Variants in PEX5L observed in about 807,000 individuals in gnomAD.
PEX5L encodes PEX5-related protein.
PEX5L carries 30 observed loss-of-function variants against 84.0 expected under a neutral mutation model. That is an observed-to-expected ratio of 0.36 (90% CI 0.27 to 0.48). The LOEUF (loss-of-function observed/expected upper bound fraction) is 0.48. Ranked by LOEUF, PEX5L falls within the 20% of genes least tolerant of loss-of-function variation. The pLI, the probability that PEX5L is intolerant of heterozygous loss-of-function variation, is 0.99. For synonymous variants in PEX5L, 270 were observed against 283.1 expected, an observed-to-expected ratio of 0.95 and a Z score of 0.46; for missense variants, 533 against 754.6, an observed-to-expected ratio of 0.71 and a Z score of 3.44.
At chr3:179,944,985 AG>A (rs2109859755) in intron 2 of PEX5L, among the ~76,000 whole-genome samples, 1 of 152,356 alleles carries the variant, frequency 6.6e-6, no homozygotes, top group East Asian at 1.9e-4. Flanking sequence ...TCTTGATAGC[AG>A]GTTGTCATGC....
chr3:179,846,740 G>A (rs1015169377), intron 8 of PEX5L, among the ~76,000 whole-genome samples: 1 of 152,156 alleles, frequency 6.6e-6, no homozygotes, highest in African/African-American at 2.4e-5. Flanking sequence ...CTGGTTGCTT[G>A]AGCTGAGACA....
chr3:179,977,044 A>T (rs1361744699), intron 1 of PEX5L, among the ~76,000 whole-genome samples: 1 of 152,216 alleles, frequency 6.6e-6, no homozygotes, highest in Non-Finnish European at 1.5e-5. Flanking sequence ...TAAGAAAAAA[A>T]TCTTGAAGGA....
intron 1 of PEX5L, among the ~76,000 whole-genome samples, chr3:179,992,966 T>C (rs755840813): frequency 4.6e-5 from 7 of 152,028 alleles, no homozygotes; most frequent in Non-Finnish European, 8.8e-5. Flanking sequence ...TTTTAGGTGA[T>C]GAAAATAAGA....
At chr3:179,854,418 C>T (rs1743123647) in intron 8 of PEX5L, among the ~76,000 whole-genome samples, 1 of 151,990 alleles carries the variant, frequency 6.6e-6, no homozygotes, top group Admixed American at 6.6e-5. Flanking sequence ...TGGGTTCATA[C>T]CATCTAAAAT....
At chr3:179,899,240 C>G (rs1221091037) in intron 2 of PEX5L, among the ~76,000 whole-genome samples, 1 of 151,976 alleles carries the variant, frequency 6.6e-6, no homozygotes, top group Non-Finnish European at 1.5e-5. Flanking sequence ...AAATTTCATA[C>G]TATGTAAAAA....
chr3:179,926,892 A>G (rs1462277103), intron 2 of PEX5L, among the ~76,000 whole-genome samples: 1 of 152,224 alleles, frequency 6.6e-6, no homozygotes, highest in East Asian at 1.9e-4. Context: ...AACAATTTTT[A>G]TGATTTCTGG....
intron 2 of PEX5L, among the ~76,000 whole-genome samples, chr3:179,970,746 G>A (rs2110233747): frequency 6.6e-6 from 1 of 152,258 alleles, no homozygotes; most frequent in Non-Finnish European, 1.5e-5. Flanking sequence ...AGGAAATTGA[G>A]CAAATTCAGG....
chr3:179,849,213 T>G (rs1189891163), intron 8 of PEX5L, among the ~76,000 whole-genome samples: 1 of 152,256 alleles, frequency 6.6e-6, no homozygotes, highest in East Asian at 1.9e-4. Context: ...TGTACTTTAT[T>G]GCTATTTATA....
chr3:180,021,687 C>A (rs1210727074), intron 1 of PEX5L, among the ~76,000 whole-genome samples: 2 of 152,120 alleles, frequency 1.3e-5, no homozygotes, highest in Admixed American at 1.3e-4. Context: ...GAAGTTGGTA[C>A]AGTTGGTGGT....
intron 2 of PEX5L, among the ~76,000 whole-genome samples, chr3:179,967,952 A>G (rs1783777984): frequency 6.6e-6 from 1 of 152,158 alleles, no homozygotes. Flanking sequence ...AAGCTTGAGA[A>G]CTATTGCTCT....
intron 1 of PEX5L, among the ~76,000 whole-genome samples, chr3:180,018,627 G>T (rs1394124926): frequency 6.6e-6 from 1 of 152,178 alleles, no homozygotes; most frequent in Non-Finnish European, 1.5e-5. Flanking sequence ...GAGGGGAAGA[G>T]CTTCTGTTGG....
At chr3:180,006,507 G>A (rs952584405) in intron 1 of PEX5L, among the ~76,000 whole-genome samples, 2 of 152,060 alleles carry the variant, frequency 1.3e-5, no homozygotes, top group Non-Finnish European at 2.9e-5. Context: ...GAGGGCTTCT[G>A]GGAAGGAGAA....
In PEX5L at chr3:180,035,090, C is replaced by T. The variant is rs1020700434; in HGVS notation, c.21+1489G>A. 1.3e-5 allele frequency among the ~76,000 whole-genome samples: 2 copies of T among 152,182 alleles called. 1 individual carries two copies. The highest frequency in any genetic ancestry group is 6.8e-3 in the Middle Eastern group (2 of 294). ...TAATTTCCCCTTAGTGGTCAATTGT[C>T]AATTTTGTGTAAATGAACAATTTTT... is the stretch of plus-strand genomic sequence containing the variant. On this transcript the variant is annotated intron_variant, in intron 1 of 14. Coordinates refer to ENST00000467460, the MANE Select transcript of PEX5L (RefSeq NM_016559.3).
At chr3:180,003,539 T>C (rs1788613799) in intron 1 of PEX5L, among the ~76,000 whole-genome samples, 2 of 152,134 alleles carry the variant, frequency 1.3e-5, no homozygotes, top group South Asian at 4.1e-4. Context: ...GAAAATGATA[T>C]ATATAGGTCT....
intron 7 of PEX5L, among the ~76,000 whole-genome samples, chr3:179,873,223 C>G (rs1003069305): frequency 6.6e-6 from 1 of 152,074 alleles, no homozygotes; most frequent in Non-Finnish European, 1.5e-5. Context: ...CTTACCTGAT[C>G]GAGTGATTTA....
chr3:179,995,368 T>G (rs1344561457), intron 1 of PEX5L, among the ~76,000 whole-genome samples: 1 of 140,990 alleles, frequency 7.1e-6, no homozygotes, highest in Non-Finnish European at 1.6e-5. Flanking sequence ...TTGGTTGGTT[T>G]TGGGGTTTCT....
chr3:180,026,357 T>C (rs1156274962), intron 1 of PEX5L, among the ~76,000 whole-genome samples: 1 of 152,142 alleles, frequency 6.6e-6, no homozygotes, highest in Non-Finnish European at 1.5e-5. Flanking sequence ...AAGGGTTATA[T>C]AAGAGACTGT....
At chr3:179,842,341 G>A (rs1351555474) in intron 8 of PEX5L, among the ~76,000 whole-genome samples, 3 of 152,106 alleles carry the variant, frequency 2.0e-5, no homozygotes, top group African/African-American at 7.2e-5. Context: ...GACTTCAGAA[G>A]GGTTCACATC....
intron 5 of PEX5L, among the ~76,000 whole-genome samples, chr3:179,876,526 A>T (rs969867293): frequency 1.3e-5 from 2 of 151,920 alleles, no homozygotes; most frequent in South Asian, 4.2e-4. Flanking sequence ...TTTGCAGTAG[A>T]TGTTCTCTAA....
Sources: allele counts gnomAD v4.1 joint callset (sites outside exome capture counted in the v4.1 genomes callset), GRCh38; gene constraint gnomAD v4.1.1; transcripts MANE v1.5; gene names NCBI Gene and HGNC (gene_info 2026-07-23, HGNC 2026-07-21).